SH3D19: variants seen among roughly 807,000 people sequenced by gnomAD.
SH3D19 encodes the protein SH3 domain containing 19.
SH3D19 carries 58 observed loss-of-function variants against 112.1 expected under a neutral mutation model. The observed-to-expected ratio is 0.52, with a 90% confidence interval of 0.42 to 0.64. The LOEUF (loss-of-function observed/expected upper bound fraction) is 0.64, where lower values mean the gene tolerates loss of function less well. Among genes scored for constraint, SH3D19 ranks in the 30% least tolerant of loss-of-function variants. The pLI is 0.00. For synonymous variants in SH3D19, 391 were observed against 448.5 expected (o/e 0.87, Z 1.62); for missense variants, 1,090 against 1,263.4 (o/e 0.86, Z 2.08).
intron 8 of SH3D19, among the ~76,000 whole-genome samples, chr4:151,161,120 G>A (rs186452169): frequency 1.5e-3 from 228 of 152,252 alleles, no homozygotes; most frequent in Non-Finnish European, 2.7e-3. Flanking sequence ...GTGGAGGTAG[G>A]AGATTTCCAA....
intron 1 of SH3D19, among the ~76,000 whole-genome samples, chr4:151,324,613 A>C (rs1730866819): frequency 6.6e-6 from 1 of 152,202 alleles, no homozygotes; most frequent in Admixed American, 6.5e-5. Flanking sequence ...TTGTGTACCC[A>C]AAACACAGTA....
intron 1 of SH3D19, among the ~76,000 whole-genome samples, chr4:151,255,102 G>A (rs902335162): frequency 6.6e-6 from 1 of 150,960 alleles, no homozygotes; most frequent in African/African-American, 2.4e-5. Context: ...CTCCCGGATG[G>A]GGCGGCTGGC....
intron 1 of SH3D19, chr4:151,291,423 T>G: frequency 6.2e-7 from 1 of 1,613,072 alleles, no homozygotes; most frequent in Non-Finnish European, 8.5e-7. Context: ...GGGAAGAGAA[T>G]GCATGGAGAT....
chr4:151,173,821 G>C (rs944791726), intron 7 of SH3D19, among the ~76,000 whole-genome samples: 8 of 152,180 alleles, frequency 5.3e-5, no homozygotes, highest in African/African-American at 1.2e-4. Flanking sequence ...TTAAGCTTTT[G>C]AAAATTCTAT....
intron 10 of SH3D19, 91 bp downstream of exon 10, chr4:151,149,409 T>C: frequency 9.6e-7 from 1 of 1,037,884 alleles, no homozygotes; most frequent in South Asian, 1.5e-5. Context: ...TAAAAAAAGA[T>C]TCAAGGCCAA....
At chr4:151,193,599 TACAGTAACAC>T (rs1339561700) in intron 2 of SH3D19, among the ~76,000 whole-genome samples, 3 of 152,228 alleles carry the variant, frequency 2.0e-5, no homozygotes, top group East Asian at 1.9e-4. Context: ...ATGTGTAATA[TACAGTAACAC>T]ACAGTGACAC....
chr4:151,190,795 C>T (rs1197923956), intron 2 of SH3D19, among the ~76,000 whole-genome samples: 1 of 152,152 alleles, frequency 6.6e-6, no homozygotes, highest in Non-Finnish European at 1.5e-5. Flanking sequence ...GGGGTCGGAG[C>T]CCCAACACAG....
At chr4:151,152,533 T>C (rs1755241231) in intron 9 of SH3D19, among the ~76,000 whole-genome samples, 1 of 150,120 alleles carries the variant, frequency 6.7e-6, no homozygotes, top group Non-Finnish European at 1.5e-5. Flanking sequence ...TTTTTTTTTT[T>C]TTCTGAGATG....
chr4:151,171,407 T>G (rs59999790), intron 7 of SH3D19, among the ~76,000 whole-genome samples: 2,016 of 152,302 alleles, frequency 0.013, 40 homozygotes, highest in African/African-American at 0.046. Flanking sequence ...CGGAGCATCT[T>G]AAGAAGAATC....
chr4:151,320,991 A>G (rs915478649), intron 1 of SH3D19, among the ~76,000 whole-genome samples: 4 of 152,170 alleles, frequency 2.6e-5, no homozygotes, highest in African/African-American at 9.7e-5. Flanking sequence ...CAGTGTGCTG[A>G]GATTACACCA....
chr4:151,156,601 T>G (rs937385954), intron 9 of SH3D19, among the ~76,000 whole-genome samples: 2 of 152,162 alleles, frequency 1.3e-5, no homozygotes, highest in South Asian at 4.1e-4. Flanking sequence ...TAAATGGCGC[T>G]GGGGAAAACT....
At chr4:151,315,787 A>C (rs1271692266) in intron 1 of SH3D19, among the ~76,000 whole-genome samples, 1 of 152,108 alleles carries the variant, frequency 6.6e-6, no homozygotes, top group African/African-American at 2.4e-5. Context: ...CCCCATTTCT[A>C]CAAAAAAAAA....
intron 1 of SH3D19, among the ~76,000 whole-genome samples, chr4:151,287,445 G>GT (rs1774918860): frequency 6.6e-6 from 1 of 151,694 alleles, no homozygotes; most frequent in African/African-American, 2.4e-5. Flanking sequence ...CTATAGACCA[G>GT]TATCTTTTAT....
intron 1 of SH3D19, chr4:151,279,686 G>T: frequency 9.9e-7 from 1 of 1,014,914 alleles, no homozygotes. Context: ...TGGTGTCTAG[G>T]GAGGGTTCAG....
intron 1 of SH3D19, among the ~76,000 whole-genome samples, chr4:151,236,834 C>T: frequency 6.6e-6 from 1 of 152,232 alleles, no homozygotes; most frequent in African/African-American, 2.4e-5. Flanking sequence ...ATGCACCAAT[C>T]AACAATCTGT....
intron 3 of SH3D19, among the ~76,000 whole-genome samples, chr4:151,186,209 TAA>T (rs1185619821): frequency 3.9e-5 from 6 of 152,186 alleles, no homozygotes; most frequent in African/African-American, 1.4e-4. Flanking sequence ...GCCTTTTATT[TAA>T]AAAAGTGTTA....
chr4:151,235,118 A>G (rs1171523379), intron 1 of SH3D19, among the ~76,000 whole-genome samples: 1 of 151,792 alleles, frequency 6.6e-6, no homozygotes, highest in Non-Finnish European at 1.5e-5. Context: ...GGTTTGGTGT[A>G]CAGATTACTT....
chr4:151,158,234 A>T (rs894644246), intron 9 of SH3D19, among the ~76,000 whole-genome samples: 2 of 152,156 alleles, frequency 1.3e-5, no homozygotes, highest in Admixed American at 6.5e-5. Flanking sequence ...AAAACAGAGG[A>T]AATAATCAGG....
chr4:151,174,754 C>T lies in SH3D19; in HGVS notation c.1450G>A (p.Asp484Asn), dbSNP rs759991712. 8.5e-6 allele frequency: 13 copies of T among 1,531,274 alleles called. No homozygotes were observed. The East Asian group carries it at 9.0e-5, about 11-fold the overall frequency. The allele number at this position is 1,531,274 out of a possible 1,614,324, so 94.9% of individuals were successfully genotyped here. Residue 484 changes from aspartate (D) to asparagine (N), a missense_variant, in exon 7 of 20, where the codon GAT becomes AAT. Coordinates refer to ENST00000604030, the MANE Select transcript of SH3D19 (RefSeq NM_001378122.1). ...ACATCATCATCAAAGCTGATGAGAT[C>T]GATGTCCACCAAGGGCTTGCTCTGC... is the stretch of plus-strand genomic sequence containing the variant. ...VLQSKPLVDI[D>N]LISFDDDVLP...
Sources: allele counts gnomAD v4.1 joint callset (sites outside exome capture counted in the v4.1 genomes callset), GRCh38; gene constraint gnomAD v4.1.1; transcripts MANE v1.5; gene names NCBI Gene and HGNC (gene_info 2026-07-23, HGNC 2026-07-21).